Variants in GSE1 observed in about 807,000 individuals in gnomAD.
GSE1 encodes the protein genetic suppressor element 1.
In GSE1, 32 loss-of-function variants were observed where a neutral mutation model predicts 112.6. That is an observed-to-expected ratio of 0.28 (90% CI 0.21 to 0.38). The LOEUF is 0.38. Among genes scored for constraint, GSE1 ranks in the 10% least tolerant of loss-of-function variants. The probability of loss-of-function intolerance (pLI) is 1.00; values close to 1 mark genes in which losing one functional copy is unlikely to be tolerated. For synonymous variants in GSE1, 1,115 were observed against 735.6 expected (o/e 1.52, Z -8.35); for missense variants, 2,348 against 1,699.2 (o/e 1.38, Z -6.71).
At position 85,477,238 on chromosome 16, in the gene GSE1, C is replaced by T. The variant is rs148518544; in HGVS notation, c.2464+119595C>T. 2.7e-3 allele frequency among the ~76,000 whole-genome samples: 405 copies of T among 152,262 alleles called. 1 individual carries two copies. The highest frequency in any genetic ancestry group is 9.4e-3 in the African/African-American group (390 of 41,562). On this transcript the variant is annotated intron_variant, in intron 2 of 2. Transcript: ENST00000637419. ...CTTCTTGCTGAGTTGGAGCTGACCCCGGGGGGCACTGGGTGGGCTTTGGCT... is the reference window on the plus strand; with the variant it reads ...CTTCTTGCTGAGTTGGAGCTGACCCTGGGGGGCACTGGGTGGGCTTTGGCT...
At chr16:85,519,357 T>C (rs1488310372) in intron 2 of GSE1, among the ~76,000 whole-genome samples, 37 of 91,906 alleles carry the variant, frequency 4.0e-4, no homozygotes, top group African/African-American at 1.5e-3. Context: ...ACTATCATCA[T>C]CACCATCACC....
At chr16:85,321,426 C>T (rs1468534217) in intron 1 of GSE1, among the ~76,000 whole-genome samples, 4 of 151,966 alleles carry the variant, frequency 2.6e-5, no homozygotes, top group Non-Finnish European at 2.9e-5. Flanking sequence ...AAAGGAAGGG[C>T]GAAAAGAATT....
At chr16:85,290,027 A>T (rs1342395814) in intron 1 of GSE1, among the ~76,000 whole-genome samples, 1 of 152,182 alleles carries the variant, frequency 6.6e-6, no homozygotes, top group East Asian at 1.9e-4. Flanking sequence ...GCCGGGGAGC[A>T]GAGGTCTTGG....
At chr16:85,185,966 C>T (rs2074691722) in intron 1 of GSE1, among the ~76,000 whole-genome samples, 2 of 152,174 alleles carry the variant, frequency 1.3e-5, no homozygotes, top group African/African-American at 4.8e-5. Flanking sequence ...TGGGTGGGTT[C>T]GGTCAGCAGT....
At chr16:85,404,782 A>G (rs1403284427) in intron 2 of GSE1, among the ~76,000 whole-genome samples, 2 of 27,996 alleles carry the variant, frequency 7.1e-5, no homozygotes, top group Non-Finnish European at 5.8e-5. Flanking sequence ...CCTCACCGTT[A>G]CACTCAGGGC....
chr16:85,550,768 G>A (rs886196009), intron 2 of GSE1, among the ~76,000 whole-genome samples: 1 of 152,226 alleles, frequency 6.6e-6, no homozygotes, highest in Non-Finnish European at 1.5e-5. Flanking sequence ...CTGTGGCAAA[G>A]ACAGCCCCGC....
At position 85,531,585 on chromosome 16, in the gene GSE1, T is replaced by G. The variant is rs1027368757; in HGVS notation, c.2465-102329T>G. ...CCCCGCTGGCACCTTACACAGAATG[T>G]TCTGGAACAGTGGCTTCTGCCTGCC... On this transcript the variant is annotated intron_variant, in intron 2 of 2. Coordinates refer to the GSE1 transcript ENST00000637419. Among the ~76,000 whole-genome samples, 13 of 152,306 alleles carry G rather than the reference T, an allele frequency of 8.5e-5. No individual in the cohort carries two copies. In the Middle Eastern group the frequency reaches 0.01, roughly 120 times the overall value.
chr16:85,219,724 C>T (rs2075360338), intron 1 of GSE1, among the ~76,000 whole-genome samples: 1 of 152,202 alleles, frequency 6.6e-6, no homozygotes, highest in African/African-American at 2.4e-5. Context: ...TTGCGTTTTC[C>T]AGAATTGTAT....
chr16:85,562,995 C>T (rs983218750), intron 1 of GSE1, among the ~76,000 whole-genome samples: 14 of 152,164 alleles, frequency 9.2e-5, no homozygotes, highest in Admixed American at 3.9e-4. Context: ...ATGATGGGAT[C>T]CCCTCTTAGG....
At chr16:85,392,997 A>G (rs1230813530) in intron 2 of GSE1, among the ~76,000 whole-genome samples, 1 of 152,158 alleles carries the variant, frequency 6.6e-6, no homozygotes, top group African/African-American at 2.4e-5. Context: ...CCTCCCTCAC[A>G]TAAGGACCGC....
chr16:85,531,479 CCCTCTCGGAGGG>C (rs1262634312), intron 2 of GSE1, among the ~76,000 whole-genome samples: 1 of 152,110 alleles, frequency 6.6e-6, no homozygotes, highest in Non-Finnish European at 1.5e-5. Context: ...GAGGAAGGAG[CCCTCTCGGAGGG>C]CCTCAGCTTT....
At chr16:85,349,149 C>T (rs2046803142) in intron 1 of GSE1, among the ~76,000 whole-genome samples, 1 of 152,192 alleles carries the variant, frequency 6.6e-6, no homozygotes. Flanking sequence ...ACCCGGTCGC[C>T]AGCGCACATT....
rs74034025 is a variant in GSE1, at chr16:85,671,675, C to T, written c.3519+577C>T. Among the ~76,000 whole-genome samples the T allele has an allele frequency of 9.9e-3, 1,491 of 151,084 alleles. 25 individuals carry two copies. Among genetic ancestry groups the T allele is most frequent in the African/African-American group, 0.035 (1,422 of 40,452 alleles). On this transcript the variant is annotated intron_variant, in intron 15 of 15. Coordinates refer to ENST00000253458, the MANE Select transcript of GSE1 (RefSeq NM_014615.5). ...AGGATTTACTTATAGAATATCGATC[C>T]TGGAAGGGTAGGGATGCTGTTTGTA... is the stretch of plus-strand genomic sequence containing the variant.
chr16:85,382,801 CACACACTCATACACACATGCACAA>C (rs981127171), intron 2 of GSE1, among the ~76,000 whole-genome samples: 3 of 136,774 alleles, frequency 2.2e-5, no homozygotes, highest in African/African-American at 3.7e-5. Context: ...AACACATGCA[CACACACTCATACACACATGCACAA>C]ACACACTCAT....
At chr16:85,660,347 T>G (rs150213427) in intron 8 of GSE1, among the ~76,000 whole-genome samples, 66 of 152,176 alleles carry the variant, frequency 4.3e-4, no homozygotes, top group African/African-American at 1.4e-3. Context: ...CTGCCGCAGG[T>G]GTTGGAGGGC....
At chr16:85,456,621 TGTGTGTGTGTG>T in intron 2 of GSE1, among the ~76,000 whole-genome samples, 1 of 149,692 alleles carries the variant, frequency 6.7e-6, no homozygotes, top group South Asian at 2.2e-4. Flanking sequence ...TGTGTGTGTG[TGTGTGTGTGTG>T]TGTGTGTGGT....
chr16:85,445,668 C>T (rs1215909937), intron 2 of GSE1, among the ~76,000 whole-genome samples: 2 of 152,204 alleles, frequency 1.3e-5, no homozygotes, highest in African/African-American at 4.8e-5. Flanking sequence ...CGACAGATTT[C>T]TGCTTCCCTT....
intron 1 of GSE1, among the ~76,000 whole-genome samples, chr16:85,277,565 G>A (rs79623874): frequency 0.014 from 2,141 of 152,244 alleles, 41 homozygotes; most frequent in African/African-American, 0.049. Flanking sequence ...GCTGGGTCAG[G>A]GCATCACTCT....
At chr16:85,528,776 G>A (rs1381041389) in intron 2 of GSE1, among the ~76,000 whole-genome samples, 1 of 152,138 alleles carries the variant, frequency 6.6e-6, no homozygotes, top group Non-Finnish European at 1.5e-5. Flanking sequence ...TGGGGGAAGT[G>A]CAAGCTGATG....
Sources: allele counts gnomAD v4.1 joint callset (sites outside exome capture counted in the v4.1 genomes callset), GRCh38; gene constraint gnomAD v4.1.1; transcripts MANE v1.5; gene names NCBI Gene and HGNC (gene_info 2026-07-23, HGNC 2026-07-21).